The following PRKN variants were observed in gnomAD, a reference collection of about 807,000 sequenced individuals.
PRKN encodes the protein E3 ubiquitin-protein ligase parkin.
PRKN carries 56 observed loss-of-function variants against 59.5 expected under a neutral mutation model. The observed-to-expected ratio is 0.94, with a 90% CI of 0.76 to 1.18. The LOEUF is 1.18. Among genes scored for constraint, PRKN ranks in the 50% most tolerant of loss-of-function variants. The probability of loss-of-function intolerance (pLI) is 0.00; values close to 1 mark genes in which losing one functional copy is unlikely to be tolerated. For missense variants in PRKN, 657 were observed against 596.4 expected (o/e 1.10, Z -1.06); for synonymous variants, 250 against 222.1 (o/e 1.13, Z -1.12).
intron 6 of PRKN, among the ~76,000 whole-genome samples, chr6:161,874,127 TATATATTATATGTAAA>T (rs1331633770): frequency 1.7e-5 from 1 of 57,986 alleles, no homozygotes; most frequent in African/African-American, 8.6e-5. Flanking sequence ...TAATATATAA[TATATATTATATGTAAA>T]ATATAATATA....
intron 7 of PRKN, among the ~76,000 whole-genome samples, chr6:161,784,255 C>T (rs1790324266): frequency 6.6e-6 from 1 of 152,118 alleles, no homozygotes; most frequent in African/African-American, 2.4e-5. Context: ...TTTTGTTTGA[C>T]ACAAAAAGTA....
intron 1 of PRKN, among the ~76,000 whole-genome samples, chr6:162,610,427 G>T (rs77998818): frequency 6.6e-6 from 1 of 152,164 alleles, no homozygotes; most frequent in Non-Finnish European, 1.5e-5. Context: ...CGCTGTTAGA[G>T]GTCACTATTC....
chr6:161,506,151 C>T (rs937837841), intron 9 of PRKN, among the ~76,000 whole-genome samples: 1 of 151,358 alleles, frequency 6.6e-6, no homozygotes, highest in African/African-American at 2.4e-5. Context: ...ATTCTTCCTA[C>T]CCACGAGCAT....
chr6:161,926,927 C>A (rs953812390), intron 6 of PRKN, among the ~76,000 whole-genome samples: 1 of 152,106 alleles, frequency 6.6e-6, no homozygotes, highest in Non-Finnish European at 1.5e-5. Context: ...GAAAATCCCT[C>A]TAAATTTTGC....
chr6:162,655,830 CAT>C (rs1003806748), intron 1 of PRKN, among the ~76,000 whole-genome samples: 3 of 152,108 alleles, frequency 2.0e-5, no homozygotes, highest in Non-Finnish European at 2.9e-5. Flanking sequence ...TACAAACACA[CAT>C]ACACACATAA....
At chr6:162,379,623 C>T (rs879407227) in intron 2 of PRKN, among the ~76,000 whole-genome samples, 22 of 152,218 alleles carry the variant, frequency 1.4e-4, no homozygotes, top group African/African-American at 3.4e-4. Context: ...ATGCCTTTCC[C>T]GCATGGACCC....
intron 2 of PRKN, among the ~76,000 whole-genome samples, chr6:162,301,268 C>T (rs945060553): frequency 6.6e-6 from 1 of 152,094 alleles, no homozygotes; most frequent in Non-Finnish European, 1.5e-5. Context: ...AGACCAGATT[C>T]CAGGCCATTT....
At chr6:162,480,838 C>T (rs1792272995) in intron 1 of PRKN, among the ~76,000 whole-genome samples, 1 of 152,010 alleles carries the variant, frequency 6.6e-6, no homozygotes, top group South Asian at 2.1e-4. Flanking sequence ...CAGAGTCTTG[C>T]TCTGTCACCC....
intron 4 of PRKN, among the ~76,000 whole-genome samples, chr6:162,057,239 T>C (rs1044643410): frequency 2.0e-5 from 3 of 152,238 alleles, no homozygotes; most frequent in Admixed American, 6.5e-5. Context: ...GAAGCACTTA[T>C]GTGATTTTCA....
rs1473412528 is a variant in PRKN, at chr6:161,355,540, C to T, written c.1285+4548G>A. Among the ~76,000 whole-genome samples the T allele has an allele frequency of 6.6e-6, 1 of 151,914 alleles. No homozygotes were observed. The highest frequency in any genetic ancestry group is 1.5e-5 in the Non-Finnish European group (1 of 67,980). On this transcript the variant is annotated intron_variant, in intron 11 of 11. Coordinates refer to ENST00000366898, the MANE Select transcript of PRKN (RefSeq NM_004562.3). This position sits in a 1 kb window ranked among gnomAD's most constrained non-coding sequence, Gnocchi z 6.8. ...TCTCGGCCTCCCGAGTAGCTGGGAT[C>T]ACAGGTGCCTGCCACCACACCTAGC...
intron 6 of PRKN, among the ~76,000 whole-genome samples, chr6:161,797,188 C>T (rs938002414): frequency 6.6e-6 from 1 of 152,202 alleles, no homozygotes; most frequent in African/African-American, 2.4e-5. Context: ...ACCGGTTTTT[C>T]ATTCATTCTT....
At chr6:162,523,476 C>T (rs1778154363) in intron 1 of PRKN, among the ~76,000 whole-genome samples, 1 of 151,702 alleles carries the variant, frequency 6.6e-6, no homozygotes, top group African/African-American at 2.4e-5. Flanking sequence ...ACCAGCCTGG[C>T]CAACATGGTG....
intron 6 of PRKN, among the ~76,000 whole-genome samples, chr6:161,897,457 G>A (rs1777671486): frequency 6.6e-6 from 1 of 152,016 alleles, no homozygotes; most frequent in Admixed American, 6.6e-5. Flanking sequence ...TCTTTTTTAG[G>A]CCCATTTTCC....
At position 162,294,641 on chromosome 6, in the gene PRKN, G is replaced by T. The variant is rs142306829; in HGVS notation, c.172-31876C>A. 9.8e-4 allele frequency among the ~76,000 whole-genome samples: 149 copies of T among 152,202 alleles called. 1 individual carries two copies. The highest frequency in any genetic ancestry group is 3.3e-3 in the African/African-American group (139 of 41,524). On this transcript the variant is annotated intron_variant, in intron 2 of 11. Transcript: ENST00000366898. The stretch of plus-strand genomic sequence containing the variant: ...ACTGGAAAAGGAAATACAACCTTTT[G>T]TTCTGACGTTATTAAAGATGTGCTT...
chr6:162,039,971 T>C (rs2077430380), intron 5 of PRKN, among the ~76,000 whole-genome samples: 1 of 152,250 alleles, frequency 6.6e-6, no homozygotes, highest in African/African-American at 2.4e-5. Context: ...ATTTTACTGG[T>C]AAATTTAAAC....
chr6:161,899,908 A>G (rs1562376195), intron 6 of PRKN, among the ~76,000 whole-genome samples: 1 of 152,000 alleles, frequency 6.6e-6, no homozygotes, highest in South Asian at 2.1e-4. Context: ...AGATCACTTG[A>G]GGTTAAAGTT....
intron 4 of PRKN, among the ~76,000 whole-genome samples, chr6:162,090,628 A>T (rs2128296055): frequency 6.6e-6 from 1 of 152,332 alleles, no homozygotes; most frequent in Non-Finnish European, 1.5e-5. Flanking sequence ...ACACAACGAC[A>T]TCAAATATAC....
chr6:161,817,252 G>A (rs1300467395), intron 6 of PRKN, among the ~76,000 whole-genome samples: 1 of 152,176 alleles, frequency 6.6e-6, no homozygotes, highest in Non-Finnish European at 1.5e-5. Flanking sequence ...TAAACTCTGG[G>A]CATGAATCCT....
chr6:162,623,203 G>C (rs1782748900), intron 1 of PRKN, among the ~76,000 whole-genome samples: 1 of 152,100 alleles, frequency 6.6e-6, no homozygotes, highest in Non-Finnish European at 1.5e-5. Context: ...TTATTTTTGA[G>C]AGAATACATT....
Sources: allele counts gnomAD v4.1 joint callset (sites outside exome capture counted in the v4.1 genomes callset), GRCh38; gene constraint gnomAD v4.1.1; non-coding constraint Gnocchi (gnomAD v3.1); transcripts MANE v1.5; gene names NCBI Gene and HGNC (gene_info 2026-07-23, HGNC 2026-07-21).